IKBKB: variants seen among roughly 807,000 people sequenced by gnomAD.
The protein encoded by IKBKB is inhibitor of nuclear factor kappa B kinase subunit beta, also known as inhibitor of nuclear factor kappa-B kinase subunit beta.
In IKBKB, 42 loss-of-function variants were observed where a neutral mutation model predicts 113.6. That is an observed-to-expected ratio of 0.37 (90% CI 0.29 to 0.48). The LOEUF (loss-of-function observed/expected upper bound fraction) is 0.48. IKBKB is among the 20% of genes least tolerant of loss of function. IKBKB has a pLI of 0.99. For missense variants in IKBKB, 673 were observed against 939.7 expected, an observed-to-expected ratio of 0.72 and a Z score of 3.71; for synonymous variants, 296 against 361.3, an observed-to-expected ratio of 0.82 and a Z score of 2.05.
intron 12 of IKBKB, 95 bp downstream of exon 12, chr8:42,317,866 C>T (rs1024445380): frequency 1.6e-5 from 14 of 882,382 alleles, no homozygotes; most frequent in South Asian, 4.2e-5. Flanking sequence ...GGGGGAGCCA[C>T]GTAAAGGAAA....
intron 2 of IKBKB, among the ~76,000 whole-genome samples, chr8:42,274,524 TTTG>T (rs151240252): frequency 0.15 from 21,454 of 142,888 alleles, 2,359 homozygotes; most frequent in African/African-American, 0.31. Flanking sequence ...GCGAGATTAG[TTTG>T]TTGTTGTTGT....
At chr8:42,327,395 G>A (rs1212061516) in intron 20 of IKBKB, among the ~76,000 whole-genome samples, 8 of 146,662 alleles carry the variant, frequency 5.5e-5, no homozygotes, top group Non-Finnish European at 1.0e-4. Context: ...GTGCAGTGGC[G>A]CGATCTTGGC....
chr8:42,329,886 T>C, intron 21 of IKBKB: 2 of 985,462 alleles, frequency 2.0e-6, no homozygotes, highest in Non-Finnish European at 2.4e-6. Context: ...CTTTACCTGC[T>C]AATCACTTGC....
intron 20 of IKBKB, among the ~76,000 whole-genome samples, chr8:42,326,703 A>G (rs982169004): frequency 6.6e-6 from 1 of 152,166 alleles, no homozygotes; most frequent in African/African-American, 2.4e-5. Context: ...GCTTTCGTCA[A>G]GTCTCATCTG....
intron 18 of IKBKB, 82 bp downstream of exon 18, chr8:42,322,235 C>A: frequency 1.3e-6 from 2 of 1,550,304 alleles, no homozygotes; most frequent in Non-Finnish European, 1.8e-6. Flanking sequence ...CTCTCTGATT[C>A]GCTGGACCTC....
At chr8:42,286,413 CTG>C (rs1245629915) in intron 2 of IKBKB, among the ~76,000 whole-genome samples, 1 of 152,186 alleles carries the variant, frequency 6.6e-6, no homozygotes, top group Non-Finnish European at 1.5e-5. Context: ...AACTGTGAGA[CTG>C]AGGTGGCTTG....
At chr8:42,296,174 T>C (rs1813739979) in intron 5 of IKBKB, among the ~76,000 whole-genome samples, 1 of 152,268 alleles carries the variant, frequency 6.6e-6, no homozygotes, top group Non-Finnish European at 1.5e-5. Flanking sequence ...GCATCTAGAA[T>C]AGCAGTATAT....
intron 20 of IKBKB, chr8:42,326,390 A>G (rs1401355921): frequency 3.0e-6 from 1 of 335,410 alleles, no homozygotes; most frequent in Non-Finnish European, 5.6e-6. Context: ...AGGAAGCCAC[A>G]TTCCCTTCAG....
intron 5 of IKBKB, among the ~76,000 whole-genome samples, chr8:42,295,667 A>G (rs1024205474): frequency 9.2e-5 from 14 of 152,102 alleles, no homozygotes; most frequent in Admixed American, 9.2e-4. Flanking sequence ...GAGAGGTTGC[A>G]GTAAGCCGAG....
In IKBKB at chr8:42,319,573, A is replaced by G; in HGVS notation, c.1517-12A>G. On this transcript the variant is annotated splice_polypyrimidine_tract_variant and intron_variant, in intron 14 of 21. Transcript: ENST00000520810. ...TGTTTTGTTTTGTTTTTCCTTCTCA[A>G]TTTTTTTTCAGCATCAGATAAACTG... The G allele has an allele frequency of 6.3e-7, 1 of 1,579,560 alleles. No homozygotes were observed. The highest frequency in any genetic ancestry group is 1.9e-5 in the Admixed American group (1 of 52,090).
intron 2 of IKBKB, among the ~76,000 whole-genome samples, chr8:42,279,251 T>A (rs1225046052): frequency 6.6e-6 from 1 of 152,228 alleles, no homozygotes; most frequent in Non-Finnish European, 1.5e-5. Context: ...GATGAGCGTG[T>A]ATGTTCTCTG....
intron 5 of IKBKB, among the ~76,000 whole-genome samples, chr8:42,301,116 G>A (rs991561332): frequency 6.6e-6 from 1 of 151,860 alleles, no homozygotes; most frequent in Non-Finnish European, 1.5e-5. Context: ...CTCGGCCTCC[G>A]AAAGTGCTGG....
chr8:42,330,322 A>T, intron 21 of IKBKB: 1 of 983,134 alleles, frequency 1.0e-6, no homozygotes, highest in Non-Finnish European at 1.2e-6. Context: ...TTATTAATAA[A>T]AGGGTTTGGC....
At chr8:42,327,670 T>C (rs1431367057) in intron 20 of IKBKB, among the ~76,000 whole-genome samples, 1 of 148,672 alleles carries the variant, frequency 6.7e-6, no homozygotes, top group African/African-American at 2.5e-5. Context: ...TTCGCTCTTG[T>C]TGCCTAGGCT....
Position 42,288,682 on chromosome 8 carries a change from C to A in IKBKB, c.154C>A (p.Pro52Thr). Residue 52 changes from proline (P) to threonine (T), a missense_variant, in exon 3 of 22, where the codon CCC becomes ACC. Pro to Thr is a conservative substitution (Grantham distance 38, BLOSUM62 -1). Coordinates refer to ENST00000520810, the MANE Select transcript of IKBKB (RefSeq NM_001556.3). Reference protein sequence around the residue: ...AIKQCRQELSPRNRERWCLEI... With the variant: ...AIKQCRQELSTRNRERWCLEI... ...CAAGCAGTGCCGGCAGGAGCTCAGC[C>A]CCCGGAACCGAGAGCGGTGGTGCCT... 6.2e-7 allele frequency: 1 copy of A among 1,611,908 alleles called. No individual in the cohort carries two copies. Among genetic ancestry groups the A allele is most frequent in the African/African-American group, 1.3e-5 (1 of 74,904 alleles).
intron 12 of IKBKB, 108 bp from the exon 13 acceptor site, chr8:42,318,444 G>T (rs1819111031): frequency 1.6e-6 from 2 of 1,249,592 alleles, no homozygotes; most frequent in Admixed American, 2.0e-5. Flanking sequence ...TGATCCTATA[G>T]TAGGTACAAA....
At chr8:42,282,544 C>T (rs1782299965) in intron 2 of IKBKB, among the ~76,000 whole-genome samples, 1 of 152,174 alleles carries the variant, frequency 6.6e-6, no homozygotes, top group Non-Finnish European at 1.5e-5. Flanking sequence ...ACGAGGAGTT[C>T]ATATACCAGA....
chr8:42,310,086 G>T (rs1585725175), intron 8 of IKBKB, among the ~76,000 whole-genome samples: 1 of 152,226 alleles, frequency 6.6e-6, no homozygotes, highest in South Asian at 2.1e-4. Flanking sequence ...AGAACTGGGG[G>T]CAGAAAAGAA....
chr8:42,322,637 T>C (rs1819983190), intron 19 of IKBKB, 143 bp downstream of exon 19: 5 of 810,628 alleles, frequency 6.2e-6, no homozygotes, highest in African/African-American at 3.4e-5. Context: ...ACGTCGCTGT[T>C]CTTTGACTTG....
Sources: gnomAD v4.1 joint callset for allele counts (sites outside exome capture counted in the v4.1 genomes callset) on GRCh38, gnomAD v4.1.1 for gene constraint, MANE v1.5 for transcripts, NCBI Gene and HGNC (gene_info 2026-07-23, HGNC 2026-07-21) for gene names.